THADA: variants seen among roughly 807,000 people sequenced by gnomAD.
The protein encoded by THADA is THADA armadillo repeat containing.
In THADA, 213 loss-of-function variants were observed where a neutral mutation model predicts 219.8. The observed-to-expected ratio is 0.97, with a 90% CI of 0.87 to 1.09. THADA has a LOEUF of 1.09. Ranked by LOEUF, THADA falls within the 50% of genes least tolerant of loss-of-function variation. THADA has a pLI of 0.00. For missense variants in THADA, 2,956 were observed against 2,311.3 expected (o/e 1.28, Z -5.72); for synonymous variants, 1,018 against 828.9 (o/e 1.23, Z -3.92).
At chr2:43,452,021 C>G (rs981807514) in intron 26 of THADA, among the ~76,000 whole-genome samples, 28 of 152,116 alleles carry the variant, frequency 1.8e-4, no homozygotes, top group Non-Finnish European at 3.4e-4. Context: ...GCAGGAGAAC[C>G]ACTTGAACCC....
intron 22 of THADA, among the ~76,000 whole-genome samples, chr2:43,516,445 G>A (rs1691736532): frequency 6.6e-6 from 1 of 152,028 alleles, no homozygotes; most frequent in Non-Finnish European, 1.5e-5. Context: ...CCTACCCTAA[G>A]CCCAAGCCTC....
chr2:43,355,798 G>A (rs1255134079), intron 29 of THADA, among the ~76,000 whole-genome samples: 1 of 152,184 alleles, frequency 6.6e-6, no homozygotes, highest in Non-Finnish European at 1.5e-5. Flanking sequence ...TAAAGGAGAA[G>A]GGGAACTGAT....
intron 30 of THADA, among the ~76,000 whole-genome samples, chr2:43,335,797 TAA>T (rs143938377): frequency 4.5e-4 from 56 of 123,452 alleles, no homozygotes; most frequent in Non-Finnish European, 4.0e-4. Flanking sequence ...GTCTCTACTT[TAA>T]AAAAAAAAAA....
chr2:43,325,294 G>A (rs754514706), intron 30 of THADA, among the ~76,000 whole-genome samples: 47 of 140,316 alleles, frequency 3.3e-4, no homozygotes, highest in Middle Eastern at 7.0e-3. Flanking sequence ...CCCAGTGGCT[G>A]CAGGTTTTTT....
At chr2:43,457,744 C>T (rs1683190618) in intron 26 of THADA, among the ~76,000 whole-genome samples, 1 of 152,052 alleles carries the variant, frequency 6.6e-6, no homozygotes, top group Non-Finnish European at 1.5e-5. Context: ...TTCTTTTGTC[C>T]AATTCAAATT....
Position 43,366,679 on chromosome 2 carries a change from C to T in THADA, c.4228-22442G>A, listed in dbSNP as rs558166848. Among the ~76,000 whole-genome samples, 124 of 152,148 alleles carry T rather than the reference C, an allele frequency of 8.1e-4. 3 individuals carry two copies. The South Asian group carries it at 0.025, about 30-fold the overall frequency. On this transcript the variant is annotated intron_variant, in intron 29 of 37. Transcript: ENST00000405975. ...CAATGAAGTTACCATCTAAGTAAAA[C>T]AAAAAATCAAGATTCCCTACATTTT...
chr2:43,321,579 G>T (rs1338405396), intron 30 of THADA, among the ~76,000 whole-genome samples: 1 of 152,160 alleles, frequency 6.6e-6, no homozygotes, highest in Non-Finnish European at 1.5e-5. Context: ...GATGAGTTTG[G>T]CTTGATTTCC....
intron 29 of THADA, among the ~76,000 whole-genome samples, chr2:43,350,171 G>A (rs918496892): frequency 3.3e-5 from 5 of 152,036 alleles, no homozygotes; most frequent in African/African-American, 1.2e-4. Context: ...TTATCCTGTC[G>A]ACTTAATTCA....
intron 29 of THADA, among the ~76,000 whole-genome samples, chr2:43,385,430 C>G (rs941488550): frequency 6.6e-6 from 1 of 151,698 alleles, no homozygotes; most frequent in Non-Finnish European, 1.5e-5. Flanking sequence ...CATGGTGAAA[C>G]CCCGTCTCTA....
intron 36 of THADA, among the ~76,000 whole-genome samples, chr2:43,235,543 C>T (rs951823240): frequency 1.3e-4 from 20 of 152,200 alleles, no homozygotes; most frequent in East Asian, 3.9e-4. Context: ...TCTGCCCCCT[C>T]GGCTTCCCAA....
At chr2:43,534,304 C>G (rs1049217901) in intron 21 of THADA, among the ~76,000 whole-genome samples, 10 of 152,064 alleles carry the variant, frequency 6.6e-5, no homozygotes, top group African/African-American at 1.9e-4. Context: ...ATTTCAAACA[C>G]TTATCATTTC....
At chr2:43,451,564 T>G in intron 26 of THADA, among the ~76,000 whole-genome samples, 1 of 152,214 alleles carries the variant, frequency 6.6e-6, no homozygotes, top group East Asian at 1.9e-4. Context: ...TGGTGTCTAG[T>G]ACATAGGAGG....
intron 31 of THADA, among the ~76,000 whole-genome samples, chr2:43,301,545 G>C (rs1676265897): frequency 6.6e-6 from 1 of 152,252 alleles, no homozygotes; most frequent in South Asian, 2.1e-4. Flanking sequence ...CCCAGAGTGA[G>C]AGGGTCTCTA....
At chr2:43,422,896 T>C (rs1381345335) in intron 28 of THADA, among the ~76,000 whole-genome samples, 1 of 152,148 alleles carries the variant, frequency 6.6e-6, no homozygotes, top group African/African-American at 2.4e-5. Context: ...ATTTTTAAAA[T>C]TTTTTGTAGA....
intron 29 of THADA, among the ~76,000 whole-genome samples, chr2:43,351,139 C>T (rs1028077271): frequency 6.6e-6 from 1 of 152,184 alleles, no homozygotes; most frequent in African/African-American, 2.4e-5. Flanking sequence ...GTCTCTGCCT[C>T]CAGCACTTAT....
chr2:43,276,123 T>A (rs1672698064), intron 36 of THADA, among the ~76,000 whole-genome samples: 1 of 152,134 alleles, frequency 6.6e-6, no homozygotes, highest in African/African-American at 2.4e-5. Context: ...GCCCACAAAT[T>A]TTTTTTCTCC....
intron 1 of THADA, among the ~76,000 whole-genome samples, chr2:43,594,913 C>T (rs1345223842): frequency 6.6e-6 from 1 of 152,200 alleles, no homozygotes; most frequent in East Asian, 1.9e-4. Context: ...ACACCATTTC[C>T]GTTAATTTTC....
rs143664721 is a variant in THADA, at chr2:43,402,429, C to T, written c.4059-4290G>A. Among the ~76,000 whole-genome samples the T allele has an allele frequency of 2.0e-3, 312 of 152,274 alleles. 2 individuals are homozygous for T. Among genetic ancestry groups the T allele is most frequent in the African/African-American group, 7.3e-3 (304 of 41,532 alleles). On this transcript the variant is annotated intron_variant, in intron 28 of 37. Transcript: ENST00000405975. ...GAGGAACCAAGAAGAGTTCAGAATG[C>T]ACTATTCTCAGCAAAAAAAGGACCA...
At chr2:43,568,336 T>C (rs1042903944) in intron 14 of THADA, among the ~76,000 whole-genome samples, 2 of 152,108 alleles carry the variant, frequency 1.3e-5, no homozygotes, top group Non-Finnish European at 2.9e-5. Flanking sequence ...CCTCCTCTTC[T>C]CCCCCAGCAC....
Sources: gnomAD v4.1 joint callset for allele counts (sites outside exome capture counted in the v4.1 genomes callset) on GRCh38, gnomAD v4.1.1 for gene constraint, MANE v1.5 for transcripts, NCBI Gene and HGNC (gene_info 2026-07-23, HGNC 2026-07-21) for gene names.